The following TRPM4 variants were observed in gnomAD, a reference collection of about 807,000 sequenced individuals.
The protein encoded by TRPM4 is calcium-activated non-selective cation channel 1.
Under a neutral mutation model 135.6 loss-of-function variants are expected in TRPM4, and 124 were observed. That is an observed-to-expected ratio of 0.91 (90% CI 0.79 to 1.06). The LOEUF (loss-of-function observed/expected upper bound fraction) is 1.06. Among genes scored for constraint, TRPM4 ranks in the 50% least tolerant of loss-of-function variants. The pLI is 0.00. For missense variants in TRPM4, 1,658 were observed against 1,671.4 expected (o/e 0.99, Z 0.14); for synonymous variants, 745 against 705.6 (o/e 1.06, Z -0.88).
Position 49,200,733 on chromosome 19 carries a change from C to T in TRPM4, c.2901C>T (p.Phe967=). 1 of 1,614,134 alleles carries T rather than the reference C, an allele frequency of 6.2e-7. No homozygotes were observed. The highest frequency in any genetic ancestry group is 8.5e-7 in the Non-Finnish European group (1 of 1,180,022). The change falls in exon 19 of 25, where the codon TTC becomes TTT. Residue 967 remains phenylalanine, a synonymous_variant. Transcript: ENST00000252826. ...TCCCAAGTATCCTGCGCCGCGTCTT[C>T]TACCGTCCCTACCTGCAGATCTTCG... The part of the protein sequence containing the change: ...SDFPSILRRV[F]YRPYLQIFGQ...
rs1968318865 is a variant in TRPM4 at position 49,189,219 on chromosome 19, A to C, written c.2019+128A>C. 2.9e-6 allele frequency: 4 copies of C among 1,383,506 alleles called. No homozygotes were observed. In the Admixed American group the frequency reaches 7.5e-5, roughly 26 times the overall value. The allele number at this position is 1,383,506 out of a possible 1,614,324, so 85.7% of individuals were successfully genotyped here. On this transcript the variant is annotated intron_variant, in intron 14 of 24. Coordinates refer to ENST00000252826, the MANE Select transcript of TRPM4 (RefSeq NM_017636.4). ...CACTCTCCCTGGAGATCCCCCAGAA[A>C]GTCTCTCTTCTCTCTCAGAAAGGCT...
chr19:49,158,229 C>A lies in TRPM4; in HGVS notation c.62C>A (p.Thr21Lys). The A allele has an allele frequency of 6.2e-7, 1 of 1,613,898 alleles. No homozygotes were observed. The highest frequency in any genetic ancestry group is 8.5e-7 in the Non-Finnish European group (1 of 1,179,956). Residue 21 changes from threonine to lysine, a missense_variant, in exon 2 of 25, where the codon ACG (threonine) becomes AAG (lysine). This residue lies in a region of TRPM4 where 239 missense variants were observed against 240.1 expected (regional missense o/e 1.00). Coordinates refer to ENST00000252826, the MANE Select transcript of TRPM4 (RefSeq NM_017636.4). ...AAGATCTTCAAGAAGAAGACCTGCA[C>A]GACGTTCATAGTTGACTCCACAGAT... Reference protein sequence around the residue: ...IPKIFKKKTCTTFIVDSTDPG... With the variant: ...IPKIFKKKTCKTFIVDSTDPG...
intron 4 of TRPM4, 61 bp downstream of exon 4, chr19:49,168,158 G>GACT: frequency 6.3e-7 from 1 of 1,586,986 alleles, no homozygotes; most frequent in Admixed American, 1.7e-5. Context: ...TCTCCCCCAC[G>GACT]ACTGTGGGTG....
rs778088073 is a variant in TRPM4 at position 49,168,407 on chromosome 19, C to A, written c.596C>A (p.Thr199Asn). 2.8e-5 allele frequency: 45 copies of A among 1,613,890 alleles called. No individual in the cohort carries two copies. The highest frequency in any genetic ancestry group is 4.0e-5 in the African/African-American group (3 of 74,884). The change falls in exon 5 of 25, where the codon ACC becomes AAC. Residue 199 changes from threonine to asparagine, a missense_variant. By Grantham distance (65) the Thr-to-Asn change is moderately conservative. Around this residue, in one of 3 missense-constraint regions of TRPM4, gnomAD observed 1,412 missense variants for 1,408.7 expected, o/e 1.00. Coordinates refer to ENST00000252826, the MANE Select transcript of TRPM4 (RefSeq NM_017636.4). ...TGGGGTGTGGTCCGGAATAGAGACA[C>A]CCTCATCAACCCCAAGGTGTGACCC... ...APWGVVRNRD[T>N]LINPKGSFPA... is the part of the protein sequence containing the mutation.
intron 9 of TRPM4, among the ~76,000 whole-genome samples, chr19:49,172,543 G>C (rs1464355097): frequency 5.5e-3 from 622 of 112,418 alleles, no homozygotes; most frequent in Middle Eastern, 0.047. Context: ...ATTCCATTCA[G>C]TCATTCTTCC....
At chr19:49,209,342 T>C (rs950963953) in intron 20 of TRPM4, among the ~76,000 whole-genome samples, 8 of 152,234 alleles carry the variant, frequency 5.3e-5, no homozygotes, top group Non-Finnish European at 1.0e-4. Context: ...AACATCCTTG[T>C]TATTATAATT....
At chr19:49,190,837 G>C (rs1968386434) in intron 16 of TRPM4, 64 bp downstream of exon 16, 1 of 1,444,278 alleles carries the variant, frequency 6.9e-7, no homozygotes. Flanking sequence ...ACATGTGCCA[G>C]TTCCACGTTG....
At chr19:49,182,416 C>G in intron 10 of TRPM4, 162 bp from the exon 11 acceptor site, 1 of 686,518 alleles carries the variant, frequency 1.5e-6, no homozygotes, top group Non-Finnish European at 2.6e-6. Context: ...ATCTGTCCAT[C>G]CATCCATCTA....
rs1205641987 is a variant in TRPM4, at chr19:49,196,894, G to A, written c.2645+20G>A. 12 of 1,558,058 alleles carry A rather than the reference G, an allele frequency of 7.7e-6. No homozygotes were observed. Among genetic ancestry groups the A allele is most frequent in the Non-Finnish European group, 1.0e-5 (12 of 1,160,752 alleles). On this transcript the variant is annotated intron_variant, in intron 17 of 24. Coordinates refer to ENST00000252826, the MANE Select transcript of TRPM4 (RefSeq NM_017636.4). ...CTGCCGGTGAGTGCCCCGGGGCCTT[G>A]GAACCCTGGCCCCTGGCCACCTCTC...
In TRPM4 at chr19:49,190,225, G is replaced by A; in HGVS notation, c.2037G>A (p.Lys679=). 6.2e-7 allele frequency: 1 copy of A among 1,614,148 alleles called. No individual in the cohort carries two copies. Among genetic ancestry groups the A allele is most frequent in the Non-Finnish European group, 8.5e-7 (1 of 1,179,976 alleles). ...QDGVQSLLTQ[K]WWGDMASTTP... is the part of the protein sequence containing the mutation. ...CCCCACAGTCTCTGCTGACACAGAA[G>A]TGGTGGGGAGATATGGCCAGCACTA... Residue 679 remains lysine, a synonymous_variant, in exon 15 of 25, where the codon AAG becomes AAA. Transcript: ENST00000252826.
At chr19:49,175,919 G>A (rs1057313307) in intron 9 of TRPM4, among the ~76,000 whole-genome samples, 14 of 136,068 alleles carry the variant, frequency 1.0e-4, no homozygotes, top group East Asian at 8.6e-4. Context: ...GAGCCACGGC[G>A]CCCGGCCTCT....
intron 9 of TRPM4, among the ~76,000 whole-genome samples, chr19:49,180,481 A>G (rs2122905748): frequency 7.7e-6 from 1 of 129,678 alleles, no homozygotes; most frequent in Non-Finnish European, 1.7e-5. Flanking sequence ...TGTGTGTTGC[A>G]CCCGGGCCTT....
intron 16 of TRPM4, among the ~76,000 whole-genome samples, chr19:49,194,529 A>G (rs935891386): frequency 1.3e-5 from 2 of 150,810 alleles, no homozygotes; most frequent in Non-Finnish European, 1.5e-5. Context: ...ACAGGCATAC[A>G]CCACTGCGCT....
Position 49,171,613 on chromosome 19 carries a change from T to TGGCTC in TRPM4, c.894_895insGGCTC (p.Leu299GlyfsTer59). 1 of 1,614,032 alleles carries TGGCTC rather than the reference T, an allele frequency of 6.2e-7. No individual in the cohort carries two copies. Among genetic ancestry groups the TGGCTC allele is most frequent in the East Asian group, 2.2e-5 (1 of 44,868 alleles). ...ACGCCACCCAGGCTCAGCTCCCATGTCTCCTCGTGGCTGGCTCAGGGGGAG... is the reference window on the plus strand; with the variant it reads ...ACGCCACCCAGGCTCAGCTCCCATGTGGCTCCTCCTCGTGGCTGGCTCAGGGGGAG... On this transcript the variant is annotated frameshift_variant, in exon 8 of 25. Coordinates refer to ENST00000252826, the MANE Select transcript of TRPM4 (RefSeq NM_017636.4). LOFTEE classifies it high-confidence loss of function. This position sits in a 1 kb window ranked among gnomAD's most constrained non-coding sequence, Gnocchi z 4.7.
In TRPM4 at chr19:49,168,185, A is replaced by AGT. The variant is rs35449031; in HGVS notation, c.449-62_449-61dup. 545,066 of 1,541,280 alleles carry AGT rather than the reference A, an allele frequency of 0.35. 81,962 individuals carry two copies. The highest frequency in any genetic ancestry group is 0.4 in the African/African-American group (29,394 of 73,104). On this transcript the variant is annotated intron_variant, in intron 4 of 24. Transcript: ENST00000252826. ...CTGTGGGTGGCCTCCCCCGCCGCCC[A>AGT]GTGTGTGTGTGTGTCTCTGTCTTAT...
intron 20 of TRPM4, among the ~76,000 whole-genome samples, chr19:49,208,389 C>T (rs570668112): frequency 6.6e-6 from 1 of 152,188 alleles, no homozygotes; most frequent in South Asian, 2.1e-4. Context: ...TTCCTTGGCA[C>T]TGACGCTACC....
intron 16 of TRPM4, among the ~76,000 whole-genome samples, chr19:49,195,358 C>G (rs1472347015): frequency 6.6e-6 from 1 of 152,028 alleles, no homozygotes; most frequent in Non-Finnish European, 1.5e-5. Context: ...ATGGTCTTTT[C>G]TTCTTCTTCT....
Position 49,183,775 on chromosome 19 carries a change from C to CT in TRPM4, c.1743+579dup, listed in dbSNP as rs112249914. On this transcript the variant is annotated intron_variant, in intron 12 of 24. Coordinates refer to ENST00000252826, the MANE Select transcript of TRPM4 (RefSeq NM_017636.4). The stretch of plus-strand genomic sequence containing the variant: ...TCTCTGTGAATTTCTTTTTCTTTTT[C>CT]TTTTTTTTTTTTTTTTGAGATGGAG... Among the ~76,000 whole-genome samples the CT allele has an allele frequency of 7.9e-3, 985 of 124,204 alleles. 10 individuals are homozygous for CT. The highest frequency in any genetic ancestry group is 0.01 in the Non-Finnish European group (585 of 56,408). The allele number at this position is 124,204 out of a possible 152,430, so 81.5% of individuals were successfully genotyped here.
Position 49,200,620 on chromosome 19 carries a change from G to T in TRPM4, c.2788G>T (p.Val930Leu), listed in dbSNP as rs1568489015. 1.2e-6 allele frequency: 2 copies of T among 1,613,022 alleles called. No individual in the cohort carries two copies. Among genetic ancestry groups the T allele is most frequent in the South Asian group, 2.2e-5 (2 of 91,088 alleles). The part of the protein sequence containing the change: ...IVIVSKMMKD[V>L]FFFLFFLGVW... ...CCACATCTCCCCACAGATGAAGGACGTGTTCTTCTTCCTCTTCTTCCTCGG... is the reference window on the plus strand; with the variant it reads ...CCACATCTCCCCACAGATGAAGGACTTGTTCTTCTTCCTCTTCTTCCTCGG... The change falls in exon 19 of 25, where the codon GTG becomes TTG. Residue 930 changes from valine to leucine, a missense_variant. By Grantham distance (32) the Val-to-Leu change is conservative. Transcript: ENST00000252826.
Sources: gnomAD v4.1 joint callset for allele counts (sites outside exome capture counted in the v4.1 genomes callset) on GRCh38, gnomAD v4.1.1 for gene constraint, gnomAD v4.1.1 regional missense constraint, Gnocchi (gnomAD v3.1) non-coding constraint, MANE v1.5 for transcripts, NCBI Gene and HGNC (gene_info 2026-07-23, HGNC 2026-07-21) for gene names.